Variants in CYP3A4 observed in about 807,000 individuals in gnomAD.
The protein encoded by CYP3A4 is cytochrome P450 3A4.
In CYP3A4, 41 loss-of-function variants were observed where a neutral mutation model predicts 54.9. That is an observed-to-expected ratio of 0.75 (90% confidence interval 0.58 to 0.97). The LOEUF (loss-of-function observed/expected upper bound fraction) is 0.97, where lower values mean the gene tolerates loss of function less well. Among genes scored for constraint, CYP3A4 ranks in the 50% least tolerant of loss-of-function variants. CYP3A4 has a pLI of 0.00. For missense variants in CYP3A4, 510 were observed against 597.3 expected, an observed-to-expected ratio of 0.85 and a Z score of 1.52; for synonymous variants, 179 against 205.2, an observed-to-expected ratio of 0.87 and a Z score of 1.09.
chr7:99,771,614 T>G (rs1480623624), intron 4 of CYP3A4, among the ~76,000 whole-genome samples: 1 of 152,224 alleles, frequency 6.6e-6, no homozygotes, highest in East Asian at 1.9e-4. Flanking sequence ...AAACTCATTC[T>G]GAATTTTTAT....
chr7:99,759,275 T>A (rs897601477), intron 12 of CYP3A4, among the ~76,000 whole-genome samples: 1 of 152,256 alleles, frequency 6.6e-6, no homozygotes, highest in African/African-American at 2.4e-5. Context: ...TTATAGGGTA[T>A]TGTTTAATAT....
At chr7:99,761,035 G>C in intron 11 of CYP3A4, 54 bp from the exon 12 acceptor site, 1 of 1,583,000 alleles carries the variant, frequency 6.3e-7, no homozygotes, top group Non-Finnish European at 8.6e-7. Context: ...ACCCCTAAGA[G>C]TTACATGTTA....
chr7:99,760,612 A>G (rs1815294386), intron 12 of CYP3A4, among the ~76,000 whole-genome samples: 1 of 152,218 alleles, frequency 6.6e-6, no homozygotes, highest in African/African-American at 2.4e-5. Flanking sequence ...GCTAATCTAC[A>G]TGGGCTTTAC....
At chr7:99,768,249 G>T in intron 7 of CYP3A4, 105 bp downstream of exon 7, 2 of 1,263,242 alleles carry the variant, frequency 1.6e-6, no homozygotes, top group Non-Finnish European at 1.1e-6. Context: ...ACAAATCACT[G>T]AACTGTATAT....
intron 9 of CYP3A4, among the ~76,000 whole-genome samples, chr7:99,765,404 T>TGATA (rs1014944232): frequency 6.6e-6 from 1 of 152,130 alleles, no homozygotes; most frequent in Non-Finnish European, 1.5e-5. Context: ...AATAGTTAGA[T>TGATA]GATAGATAGA....
chr7:99,784,096 C>A lies in CYP3A4; in HGVS notation c.-15G>T. 6.2e-7 allele frequency: 1 copy of A among 1,610,630 alleles called. No individual in the cohort carries two copies. Among genetic ancestry groups the A allele is most frequent in the South Asian group, 1.1e-5 (1 of 91,010 alleles). On this transcript the variant is annotated 5_prime_UTR_variant, in exon 1 of 13. Coordinates refer to ENST00000651514, the MANE Select transcript of CYP3A4 (RefSeq NM_017460.6). ...ATGAGAGCCATCACTACTTTCCTTA[C>A]TTATCTCTCTCCTCTGAGTCTTCCT...
Position 99,762,213 on chromosome 7 carries a change from TCAC to T in CYP3A4, c.1078_1080del (p.Val360del), listed in dbSNP as rs1421686291. The T allele has an allele frequency of 6.2e-7, 1 of 1,614,094 alleles. No individual in the cohort carries two copies. The highest frequency in any genetic ancestry group is 8.5e-7 in the Non-Finnish European group (1 of 1,179,998). ...ATTGGGAATAATCTGAGCGTTTCATTCACCACCATGTCAAGATACTCCATCTGT... is the reference window on the plus strand; with the variant it reads ...ATTGGGAATAATCTGAGCGTTTCATTCACCATGTCAAGATACTCCATCTGT... On this transcript the variant is annotated inframe_deletion, in exon 11 of 13. Transcript: ENST00000651514.
At chr7:99,777,420 G>C (rs567297749) in intron 3 of CYP3A4, among the ~76,000 whole-genome samples, 3 of 151,818 alleles carry the variant, frequency 2.0e-5, no homozygotes, top group Non-Finnish European at 4.4e-5. Context: ...GACAACCTTC[G>C]AAAAGTTTTA....
At chr7:99,777,903 CTGTT>C in intron 3 of CYP3A4, 121 bp downstream of exon 3, 2 of 768,296 alleles carry the variant, frequency 2.6e-6, no homozygotes, top group Middle Eastern at 2.4e-4. Flanking sequence ...GAACTTCTCT[CTGTT>C]TGTAGTTAGG....
At position 99,769,869 on chromosome 7, in the gene CYP3A4, CACA is replaced by C; in HGVS notation, c.433-16_433-14del. The C allele has an allele frequency of 6.2e-7, 1 of 1,613,928 alleles. No individual in the cohort carries two copies. ...TGATAGGGACCATCTAAGCACAAAA[CACA>C]ACACCACCCATAGTTAAATGTGCAG... On this transcript the variant is annotated splice_polypyrimidine_tract_variant and intron_variant, in intron 5 of 12. Transcript: ENST00000651514.
At chr7:99,768,183 C>CA (rs971167188) in intron 7 of CYP3A4, among the ~76,000 whole-genome samples, 171 bp downstream of exon 7, 2 of 151,980 alleles carry the variant, frequency 1.3e-5, no homozygotes, top group East Asian at 1.9e-4. Context: ...TCTAGATTGA[C>CA]AAAAAAAGTT....
Position 99,757,866 on chromosome 7 carries a change from G to C in CYP3A4, c.*267C>G. 1 of 384,566 alleles carries C rather than the reference G, an allele frequency of 2.6e-6. No homozygotes were observed. Among genetic ancestry groups the C allele is most frequent in the Non-Finnish European group, 4.8e-6 (1 of 208,264 alleles). 23.8% of individuals were successfully genotyped at this position (384,566 alleles called of 1,614,324 possible). On this transcript the variant is annotated 3_prime_UTR_variant, in exon 13 of 13. Transcript: ENST00000651514. Reference sequence around the variant, plus strand: ...CAGGAGGAGTTAATGGTGCTAACTGGGGGTGGTGGAAATAGTCCCGTGAGA... The same window carrying C: ...CAGGAGGAGTTAATGGTGCTAACTGCGGGTGGTGGAAATAGTCCCGTGAGA...
At position 99,758,183 on chromosome 7, in the gene CYP3A4, G is replaced by T; in HGVS notation, c.1462C>A (p.Pro488Thr). The change falls in exon 13 of 13, where the codon CCC becomes ACC. Residue 488 changes from proline (P) to threonine (T), a missense_variant. Around this residue, in one of 2 missense-constraint regions of CYP3A4, gnomAD observed 238 missense variants for 322.5 expected, o/e 0.74. Transcript: ENST00000651514. ...SLGGLLQPEK[P>T]VVLKVESRDG... The stretch of plus-strand genomic sequence containing the variant: ...CTTGACTCAACCTTTAGAACAACGG[G>T]TTTTTCTGGTTGAAGAAGTCCTCCT... 6.2e-7 allele frequency: 1 copy of T among 1,613,990 alleles called. No individual in the cohort carries two copies. Among genetic ancestry groups the T allele is most frequent in the Non-Finnish European group, 8.5e-7 (1 of 1,179,924 alleles).
chr7:99,769,954 A>G (rs1471989728), intron 5 of CYP3A4, 98 bp from the exon 6 acceptor site: 27 of 1,593,510 alleles, frequency 1.7e-5, no homozygotes, highest in Non-Finnish European at 2.1e-5. Context: ...GTGACATTTT[A>G]TAATGAATTT....
chr7:99,763,264 G>A (rs188525538), intron 10 of CYP3A4, among the ~76,000 whole-genome samples: 76 of 152,214 alleles, frequency 5.0e-4, no homozygotes, highest in African/African-American at 1.6e-3. Context: ...CATTCGAGAC[G>A]GCTCTCACCC....
At chr7:99,778,159 C>A in intron 2 of CYP3A4, 79 bp from the exon 3 acceptor site, 2 of 1,169,542 alleles carry the variant, frequency 1.7e-6, no homozygotes, top group South Asian at 1.4e-5. Flanking sequence ...TGAAAACAGT[C>A]GAAGCCAATG....
chr7:99,766,261 G>A (rs1815473681), intron 9 of CYP3A4, 116 bp downstream of exon 9: 1 of 1,234,654 alleles, frequency 8.1e-7, no homozygotes, highest in Admixed American at 2.0e-5. Flanking sequence ...TCAAACATGT[G>A]TCGTTCTGCT....
Position 99,762,182 on chromosome 7 carries a change from A to G in CYP3A4, c.1112T>C (p.Met371Thr). 1 of 1,614,134 alleles carries G rather than the reference A, an allele frequency of 6.2e-7. No homozygotes were observed. Among genetic ancestry groups the G allele is most frequent in the Non-Finnish European group, 8.5e-7 (1 of 1,180,008 alleles). ...NETLRLFPIA[M>T]RLERVCKKDV... ...TTTTTTGCAGACCCTCTCAAGTCTC[A>G]TAGCAATTGGGAATAATCTGAGCGT... Residue 371 changes from methionine (M) to threonine (T), a missense_variant, in exon 11 of 13, where the codon ATG (methionine) becomes ACG (threonine). Physicochemically the swap from Met to Thr is moderately conservative, Grantham distance 81. Coordinates refer to ENST00000651514, the MANE Select transcript of CYP3A4 (RefSeq NM_017460.6).
At chr7:99,763,648 C>T (rs960917650) in intron 10 of CYP3A4, among the ~76,000 whole-genome samples, 6 of 152,202 alleles carry the variant, frequency 3.9e-5, no homozygotes, top group African/African-American at 1.2e-4. Context: ...TGAACCAGAG[C>T]CAGCACGTTT....
Sources: allele counts gnomAD v4.1 joint callset (sites outside exome capture counted in the v4.1 genomes callset), GRCh38; gene constraint gnomAD v4.1.1; regional missense constraint gnomAD v4.1.1; transcripts MANE v1.5; gene names NCBI Gene and HGNC (gene_info 2026-07-23, HGNC 2026-07-21).